Variants in PRDM15 observed in about 807,000 individuals in gnomAD.
The protein encoded by PRDM15 is PR/SET domain 15.
PRDM15 carries 64 observed loss-of-function variants against 128.6 expected under a neutral mutation model. The ratio of observed to expected loss-of-function variants is 0.50; its 90% CI spans 0.41 to 0.61. The LOEUF (loss-of-function observed/expected upper bound fraction) is 0.61, where lower values mean the gene tolerates loss of function less well. PRDM15 is among the 20% of genes least tolerant of loss of function. The pLI, the probability that PRDM15 is intolerant of heterozygous loss-of-function variation, is 0.00. For missense variants in PRDM15, 1,242 were observed against 1,569.1 expected, an observed-to-expected ratio of 0.79 and a Z score of 3.52; for synonymous variants, 615 against 621.8, an observed-to-expected ratio of 0.99 and a Z score of 0.16.
Position 41,801,267 on chromosome 21 carries a change from C to T in PRDM15, c.3399G>A (p.Gln1133=), listed in dbSNP as rs773930882. ...AGTAGCTGTACATCTGCTGCTGCTG[C>T]TGCTCCGCCTGCACCTGGGGCTGGG... ...QAAQPQVQAE[Q]QQQQMYSY The change falls in exon 24 of 24, where the codon CAG becomes CAA. Residue 1133 remains glutamine, a synonymous_variant. Transcript: ENST00000398548. 1 of 1,535,504 alleles carries T rather than the reference C, an allele frequency of 6.5e-7. No individual in the cohort carries two copies. The highest frequency in any genetic ancestry group is 8.7e-7 in the Non-Finnish European group (1 of 1,142,910).
chr21:41,838,000 T>C lies in PRDM15; in HGVS notation c.935A>G (p.Glu312Gly), dbSNP rs777107082. 1.2e-6 allele frequency: 2 copies of C among 1,614,194 alleles called. No individual in the cohort carries two copies. The highest frequency in any genetic ancestry group is 4.5e-5 in the East Asian group (2 of 44,880). ...PDEPVSATPD[E>G]RIMELVLGKL... ...CCCCAGAACCAGCTCCATGATCCGC[T>C]CATCTGGCGTTGCACTCACAGGCTC... Residue 312 changes from glutamate (E) to glycine (G), a missense_variant, in exon 8 of 24, where the codon GAG (glutamate) becomes GGG (glycine). By Grantham distance (98) the Glu-to-Gly change is moderately conservative. Coordinates refer to ENST00000398548, the MANE Select transcript of PRDM15 (RefSeq NM_001040424.3).
At chr21:41,827,954 C>A (rs1273225649) in intron 12 of PRDM15, among the ~76,000 whole-genome samples, 1 of 152,180 alleles carries the variant, frequency 6.6e-6, no homozygotes, top group Admixed American at 6.5e-5. Flanking sequence ...TCCTTGCGCA[C>A]AGCAGGTCTG....
chr21:41,803,500 C>G (rs568042557), intron 22 of PRDM15, among the ~76,000 whole-genome samples: 36 of 152,352 alleles, frequency 2.4e-4, no homozygotes, highest in African/African-American at 8.2e-4. Flanking sequence ...CAGGCTCGCT[C>G]AGGCTCACAG....
rs186080305 is a variant in PRDM15, at chr21:41,854,848, G to C, written c.286-30C>G. The C allele has an allele frequency of 6.3e-7, 1 of 1,578,446 alleles. No individual in the cohort carries two copies. The highest frequency in any genetic ancestry group is 8.6e-7 in the Non-Finnish European group (1 of 1,158,756). ...AGGTGAGTCGGCCCATGGAGAAGCC[G>C]GGGAAATGGCTGATTACCCATCTGT... On this transcript the variant is annotated intron_variant, in intron 4 of 23. Transcript: ENST00000398548. This position sits in a 1 kb window ranked among gnomAD's most constrained non-coding sequence, Gnocchi z 4.6.
In PRDM15 at chr21:41,828,093, G is replaced by T; in HGVS notation, c.1534+73C>A. 1 of 1,539,616 alleles carries T rather than the reference G, an allele frequency of 6.5e-7. No homozygotes were observed. The highest frequency in any genetic ancestry group is 8.9e-7 in the Non-Finnish European group (1 of 1,123,796). On this transcript the variant is annotated intron_variant, in intron 12 of 23. Transcript: ENST00000398548. This position sits in a 1 kb window ranked among gnomAD's most constrained non-coding sequence, Gnocchi z 5.7. Reference sequence around the variant, plus strand: ...CTGCTCCCCAAAGGCCCTGCTGACTGCTCCATGCCGCCCTGCCCCACCCCG... The same window carrying T: ...CTGCTCCCCAAAGGCCCTGCTGACTTCTCCATGCCGCCCTGCCCCACCCCG...
chr21:41,816,464 G>A (rs1461453312), intron 18 of PRDM15, among the ~76,000 whole-genome samples: 1 of 152,124 alleles, frequency 6.6e-6, no homozygotes, highest in Non-Finnish European at 1.5e-5. Flanking sequence ...AGGGAACAGG[G>A]CGACCCAGCC....
At chr21:41,806,486 C>T (rs1187744990) in intron 21 of PRDM15, among the ~76,000 whole-genome samples, 2 of 108,584 alleles carry the variant, frequency 1.8e-5, no homozygotes, top group South Asian at 3.3e-4. Flanking sequence ...CCCATTACTA[C>T]CACCACCATC....
rs1482302821 is a variant in PRDM15 at position 41,829,493 on chromosome 21, CAT to C, written c.1367-1162_1367-1161del. On this transcript the variant is annotated intron_variant, in intron 11 of 23. Coordinates refer to ENST00000398548, the MANE Select transcript of PRDM15 (RefSeq NM_001040424.3). Reference sequence around the variant, plus strand: ...CCCACACAAATGCACAATTACACCACATACACATTCAACACATCACACACATA... The same window carrying C: ...CCCACACAAATGCACAATTACACCACACACATTCAACACATCACACACATA... Among the ~76,000 whole-genome samples the C allele has an allele frequency of 7.3e-3, 1,107 of 151,874 alleles. 9 individuals carry two copies. Among genetic ancestry groups the C allele is most frequent in the African/African-American group, 0.025 (1,047 of 41,346 alleles).
intron 17 of PRDM15, 137 bp downstream of exon 17, chr21:41,819,958 G>T (rs562040593): frequency 2.4e-6 from 2 of 826,104 alleles, no homozygotes; most frequent in Non-Finnish European, 3.9e-6. Context: ...GACGGGAAAA[G>T]CTGGAGAAAC....
At chr21:41,830,855 C>CA (rs2062664204) in intron 11 of PRDM15, among the ~76,000 whole-genome samples, 1 of 152,242 alleles carries the variant, frequency 6.6e-6, no homozygotes. Context: ...GACAGCCCCC[C>CA]AGTGCCATCT....
chr21:41,836,661 C>G lies in PRDM15; in HGVS notation c.1002-12G>C, dbSNP rs756991004. ...GATGATGGGTGAACCTGCCCAGGGA[C>G]GTCAATAAGTTGGGAAAAGACAGGT... On this transcript the variant is annotated splice_polypyrimidine_tract_variant and intron_variant, in intron 8 of 23. Coordinates refer to ENST00000398548, the MANE Select transcript of PRDM15 (RefSeq NM_001040424.3). 1.9e-6 allele frequency: 3 copies of G among 1,578,322 alleles called. No individual in the cohort carries two copies. In the Admixed American group the frequency reaches 5.2e-5, roughly 27 times the overall value.
rs1049000518 is a variant in PRDM15, at chr21:41,857,420, C to G, written c.132-91G>C. ...AACCTAAAAGCTCGCCCTCACTGAC[C>G]GCCAGGGTTCTTCGGAAATAAAATT... On this transcript the variant is annotated intron_variant, in intron 3 of 23. Coordinates refer to ENST00000398548, the MANE Select transcript of PRDM15 (RefSeq NM_001040424.3). 2.2e-6 allele frequency: 3 copies of G among 1,340,962 alleles called. No homozygotes were observed. In the African/African-American group the frequency reaches 4.4e-5, roughly 20 times the overall value. 83.1% of individuals were successfully genotyped at this position (1,340,962 alleles called of 1,614,324 possible).
rs2061853037 is a variant in PRDM15, at chr21:41,811,240, C to T, written c.2393-404G>A. 5.3e-6 allele frequency: 1 copy of T among 189,440 alleles called. No homozygotes were observed. The highest frequency in any genetic ancestry group is 2.3e-5 in the African/African-American group (1 of 43,476). The allele number at this position is 189,440 out of a possible 1,614,324, so 11.7% of individuals were successfully genotyped here. On this transcript the variant is annotated intron_variant, in intron 19 of 23. Transcript: ENST00000398548. The surrounding 1 kb of genome is among the most constrained non-coding windows in gnomAD (Gnocchi z 4.1). ...GAGGAAATGGTAACTGAAATCAGGA[C>T]CAATGGCAAGGAGGACACAGACGAG...
chr21:41,819,800 G>GC, intron 17 of PRDM15, 99 bp from the exon 18 acceptor site: 1 of 1,459,508 alleles, frequency 6.9e-7, no homozygotes, highest in Non-Finnish European at 9.2e-7. Flanking sequence ...CTCCCCAGCA[G>GC]CTAGAAGCGC....
At chr21:41,872,208 C>T (rs1335635420) in intron 1 of PRDM15, among the ~76,000 whole-genome samples, 5 of 152,274 alleles carry the variant, frequency 3.3e-5, no homozygotes, top group South Asian at 2.1e-4. Context: ...TTCCCCAGGG[C>T]GGCCATTCAA....
chr21:41,839,572 C>T (rs952207010), intron 7 of PRDM15, 51 bp downstream of exon 7: 2 of 1,547,698 alleles, frequency 1.3e-6, no homozygotes, highest in Non-Finnish European at 1.8e-6. Flanking sequence ...CCTCGGGCGC[C>T]AGGAGGGCTG....
At position 41,815,816 on chromosome 21, in the gene PRDM15, G is replaced by A; in HGVS notation, c.2281C>T (p.Leu761=). The part of the protein sequence containing the change: ...CGKGMKTKHA[L]RHHMKLHKGI... The stretch of plus-strand genomic sequence containing the variant: ...TTGTGCAGCTTCATGTGGTGGCGCA[G>A]CGCGTGCTTGGTCTTCATGCCTTCA... Residue 761 remains leucine, a synonymous_variant, in exon 19 of 24, where the codon CTG becomes TTG. Coordinates refer to ENST00000398548, the MANE Select transcript of PRDM15 (RefSeq NM_001040424.3). 6 of 1,613,890 alleles carry A rather than the reference G, an allele frequency of 3.7e-6. No individual in the cohort carries two copies. Among genetic ancestry groups the A allele is most frequent in the Non-Finnish European group, 5.1e-6 (6 of 1,179,950 alleles).
intron 1 of PRDM15, among the ~76,000 whole-genome samples, chr21:41,866,320 A>G (rs2839399): frequency 0.41 from 62,830 of 152,148 alleles, 13,264 homozygotes; most frequent in African/African-American, 0.5. Context: ...ATAAAAAGGG[A>G]TTTTAAACTT....
chr21:41,820,028 C>G (rs2062197698), intron 17 of PRDM15, 67 bp downstream of exon 17: 2 of 1,349,964 alleles, frequency 1.5e-6, no homozygotes, highest in South Asian at 2.4e-5. Flanking sequence ...CGCGGAGACC[C>G]CCAGCATCCC....
Sources: gnomAD v4.1 joint callset for allele counts (sites outside exome capture counted in the v4.1 genomes callset) on GRCh38, gnomAD v4.1.1 for gene constraint, Gnocchi (gnomAD v3.1) non-coding constraint, MANE v1.5 for transcripts, NCBI Gene and HGNC (gene_info 2026-07-23, HGNC 2026-07-21) for gene names.